Variants in GRID2 observed in about 807,000 individuals in gnomAD.
GRID2 encodes glutamate receptor ionotropic, delta-2.
GRID2 carries 33 observed loss-of-function variants against 114.8 expected under a neutral mutation model. The observed-to-expected ratio is 0.29, with a 90% CI of 0.22 to 0.38. The LOEUF (loss-of-function observed/expected upper bound fraction) is 0.38. Ranked by LOEUF, GRID2 falls within the 10% of genes least tolerant of loss-of-function variation. GRID2 has a pLI of 1.00. For missense variants in GRID2, 1,184 were observed against 1,257.7 expected, an observed-to-expected ratio of 0.94 and a Z score of 0.89; for synonymous variants, 505 against 449.9, an observed-to-expected ratio of 1.12 and a Z score of -1.55.
chr4:92,836,725 C>A (rs1023330397), intron 2 of GRID2, among the ~76,000 whole-genome samples: 3 of 151,796 alleles, frequency 2.0e-5, no homozygotes, highest in African/African-American at 7.3e-5. Context: ...GAATTAAAGA[C>A]ACACACACAC....
chr4:92,335,931 T>C (rs1371743777), intron 1 of GRID2, among the ~76,000 whole-genome samples: 1 of 152,208 alleles, frequency 6.6e-6, no homozygotes, highest in East Asian at 1.9e-4. Flanking sequence ...TTTTTTACTT[T>C]ATTTTATGAG....
At chr4:93,354,833 A>T (rs1356362300) in intron 8 of GRID2, among the ~76,000 whole-genome samples, 1 of 145,224 alleles carries the variant, frequency 6.9e-6, no homozygotes, top group Non-Finnish European at 1.5e-5. Context: ...TATATATATA[A>T]TATATATAAA....
chr4:92,694,664 A>C (rs1734342829), intron 2 of GRID2, among the ~76,000 whole-genome samples: 1 of 152,214 alleles, frequency 6.6e-6, no homozygotes, highest in Admixed American at 6.5e-5. Flanking sequence ...TCATAAATGT[A>C]AACATAAGCA....
At chr4:93,767,400 C>A (rs1733757889) in intron 14 of GRID2, among the ~76,000 whole-genome samples, 1 of 152,094 alleles carries the variant, frequency 6.6e-6, no homozygotes, top group Non-Finnish European at 1.5e-5. Flanking sequence ...ACATATAACC[C>A]ATTAATATTC....
At chr4:93,403,067 CA>C (rs1188825562) in intron 9 of GRID2, among the ~76,000 whole-genome samples, 1 of 152,098 alleles carries the variant, frequency 6.6e-6, no homozygotes, top group Non-Finnish European at 1.5e-5. Flanking sequence ...GCCCTCACAG[CA>C]AGGAGTTGGG....
At chr4:92,656,890 G>A (rs1289065259) in intron 2 of GRID2, among the ~76,000 whole-genome samples, 2 of 151,724 alleles carry the variant, frequency 1.3e-5, no homozygotes, top group Admixed American at 1.3e-4. Flanking sequence ...CAAATTTTTA[G>A]AAAGGTAAAC....
chr4:92,828,416 T>C (rs1046796812), intron 2 of GRID2, among the ~76,000 whole-genome samples: 2 of 152,104 alleles, frequency 1.3e-5, no homozygotes, highest in African/African-American at 2.4e-5. Flanking sequence ...GCTTAACTTA[T>C]TTAAGAAAAC....
intron 8 of GRID2, among the ~76,000 whole-genome samples, chr4:93,391,902 A>G (rs987296243): frequency 1.8e-4 from 27 of 152,186 alleles, no homozygotes; most frequent in Admixed American, 5.2e-4. Context: ...CAAAGCTCCA[A>G]TGAAGGAAAT....
At chr4:92,347,969 T>G (rs770570279) in intron 1 of GRID2, among the ~76,000 whole-genome samples, 3 of 152,242 alleles carry the variant, frequency 2.0e-5, no homozygotes, top group Non-Finnish European at 4.4e-5. Flanking sequence ...TTAACTGTTT[T>G]GTTGAGACCG....
Position 92,916,256 on chromosome 4 carries a change from G to A in GRID2, c.245-168739G>A, listed in dbSNP as rs1578460143. Reference sequence around the variant, plus strand: ...AGTTAATTTTTATACATGGTATAAGGAAGGGTTCCAGTTTCAATATTCTGC... The same window carrying A: ...AGTTAATTTTTATACATGGTATAAGAAAGGGTTCCAGTTTCAATATTCTGC... On this transcript the variant is annotated intron_variant, in intron 2 of 15. Transcript: ENST00000282020. 2.0e-5 allele frequency among the ~76,000 whole-genome samples: 3 copies of A among 152,090 alleles called. No individual in the cohort carries two copies. In the East Asian group the frequency reaches 5.8e-4, roughly 29 times the overall value.
At chr4:92,827,928 TTTGATAGTTAAC>T (rs1741841625) in intron 2 of GRID2, among the ~76,000 whole-genome samples, 1 of 152,014 alleles carries the variant, frequency 6.6e-6, no homozygotes, top group Non-Finnish European at 1.5e-5. Flanking sequence ...AGTAACCAAT[TTTGATAGTTAAC>T]TTGATAGTTA....
In GRID2 at chr4:93,034,775, A is replaced by T. The variant is rs573627535; in HGVS notation, c.245-50220A>T. On this transcript the variant is annotated intron_variant, in intron 2 of 15. Coordinates refer to ENST00000282020, the MANE Select transcript of GRID2 (RefSeq NM_001510.4). ...GAGAATTTTATACACAGTATATTAA[A>T]CCCAACTTAGAACATAATGAAAAAT... Among the ~76,000 whole-genome samples, 7 of 152,284 alleles carry T rather than the reference A, an allele frequency of 4.6e-5. No individual in the cohort carries two copies. The South Asian group carries it at 1.4e-3, about 32-fold the overall frequency.
chr4:92,351,915 CTTAGGTTGA>C (rs1474670899), intron 1 of GRID2, among the ~76,000 whole-genome samples: 1 of 151,886 alleles, frequency 6.6e-6, no homozygotes, highest in African/African-American at 2.4e-5. Flanking sequence ...TTCAAGGACA[CTTAGGTTGA>C]TTCCATCTCT....
At chr4:93,665,653 G>A (rs11940342) in intron 14 of GRID2, among the ~76,000 whole-genome samples, 2,558 of 152,192 alleles carry the variant, frequency 0.017, 78 homozygotes, top group African/African-American at 0.059. Flanking sequence ...TGCTCTAAAT[G>A]CTATAAGTTG....
chr4:92,673,995 AAAAG>A (rs1733204187), intron 2 of GRID2, among the ~76,000 whole-genome samples: 2 of 134,120 alleles, frequency 1.5e-5, no homozygotes, highest in African/African-American at 5.3e-5. Flanking sequence ...AATAAATAAA[AAAAG>A]AAGGCAGTTG....
intron 2 of GRID2, among the ~76,000 whole-genome samples, chr4:92,990,210 G>C (rs1316721342): frequency 1.4e-5 from 1 of 71,274 alleles, no homozygotes; most frequent in African/African-American, 5.4e-5. Flanking sequence ...GTGTGTGTGT[G>C]TGTGTGTGTG....
intron 4 of GRID2, among the ~76,000 whole-genome samples, chr4:93,128,060 C>CAAAAA (rs752622895): frequency 4.4e-5 from 3 of 68,858 alleles, no homozygotes; most frequent in African/African-American, 1.0e-4. Context: ...AAAAAAAAAA[C>CAAAAA]AACAGTACGT....
chr4:93,380,440 G>T (rs1407322551), intron 8 of GRID2, among the ~76,000 whole-genome samples: 1 of 150,686 alleles, frequency 6.6e-6, no homozygotes, highest in African/African-American at 2.4e-5. Context: ...CTTTGGGGCA[G>T]TTTGTTATGG....
chr4:93,060,398 T>C (rs1727671913), intron 2 of GRID2, among the ~76,000 whole-genome samples: 1 of 152,188 alleles, frequency 6.6e-6, no homozygotes, highest in African/African-American at 2.4e-5. Flanking sequence ...AGTATTTGTG[T>C]TTCCATGGAA....
Sources: allele counts gnomAD v4.1 joint callset (sites outside exome capture counted in the v4.1 genomes callset), GRCh38; gene constraint gnomAD v4.1.1; transcripts MANE v1.5; gene names NCBI Gene and HGNC (gene_info 2026-07-23, HGNC 2026-07-21).